MMP26: variants seen among roughly 807,000 people sequenced by gnomAD.
The protein encoded by MMP26 is matrix metallopeptidase 26.
In MMP26, 33 loss-of-function variants were observed where a neutral mutation model predicts 31.0. The observed-to-expected ratio is 1.06, with a 90% CI of 0.81 to 1.42. The LOEUF (loss-of-function observed/expected upper bound fraction) is 1.42. Among genes scored for constraint, MMP26 ranks in the 40% most tolerant of loss-of-function variants. The pLI, the probability that MMP26 is intolerant of heterozygous loss-of-function variation, is 0.00. For missense variants in MMP26, 347 were observed against 316.1 expected (o/e 1.10, Z -0.74); for synonymous variants, 122 against 114.9 (o/e 1.06, Z -0.40).
chr11:4,875,189 T>G (rs1188160343), intron 2 of MMP26: 2 of 152,002 alleles, frequency 1.3e-5, no homozygotes, highest in East Asian at 3.9e-4. Context: ...ATCTCAAAAT[T>G]CCTTTCTAGA....
chr11:4,724,045 G>C, intron 1 of MMP26: 1 of 663,430 alleles, frequency 1.5e-6, no homozygotes, highest in Non-Finnish European at 2.7e-6. Context: ...GAAGCTGCTG[G>C]TACCACTGGG....
At chr11:4,785,660 G>T (rs1034732060) in intron 2 of MMP26, among the ~76,000 whole-genome samples, 1 of 151,924 alleles carries the variant, frequency 6.6e-6, no homozygotes, top group Non-Finnish European at 1.5e-5. Flanking sequence ...AAAACCTTCA[G>T]CCCAAATATT....
intron 2 of MMP26, chr11:4,972,917 A>C (rs1041919816): frequency 2.0e-5 from 3 of 152,176 alleles, no homozygotes; most frequent in Non-Finnish European, 2.9e-5. Context: ...ACTTTGGGTT[A>C]AGCATCATGT....
At chr11:4,727,456 A>AACATTTATAAATAGCAAATAT (rs2133280813) in intron 1 of MMP26, among the ~76,000 whole-genome samples, 1 of 152,268 alleles carries the variant, frequency 6.6e-6, no homozygotes, top group Admixed American at 6.5e-5. Flanking sequence ...CCATATTTGA[A>AACATTTATAAATAGCAAATAT]AAAAATCTGT....
In MMP26 at chr11:4,849,010, T is replaced by C. The variant is rs943115589; in HGVS notation, c.-145+81669T>C. On this transcript the variant is annotated intron_variant, in intron 2 of 7. Transcript: ENST00000380390. ...CTAAGCAAGAAGAGGAAGAAGTGCATTGGGCGGTGCAGGGCGGGCTGCAGG... is the reference window on the plus strand; with the variant it reads ...CTAAGCAAGAAGAGGAAGAAGTGCACTGGGCGGTGCAGGGCGGGCTGCAGG... 5.0e-6 allele frequency: 8 copies of C among 1,614,012 alleles called. No individual in the cohort carries two copies. In the East Asian group the frequency reaches 6.7e-5, roughly 13 times the overall value.
chr11:4,797,524 A>T (rs971517769), intron 2 of MMP26, among the ~76,000 whole-genome samples: 5 of 152,144 alleles, frequency 3.3e-5, no homozygotes, highest in African/African-American at 1.2e-4. Flanking sequence ...TCCTGCTGCA[A>T]ATCTGGTTTA....
At chr11:4,768,930 C>G (rs369047031) in intron 2 of MMP26, 160 of 1,285,310 alleles carry the variant, frequency 1.2e-4, no homozygotes, top group Non-Finnish European at 1.5e-4. Context: ...CGCTTTTCTA[C>G]AGTGCAAGTC....
In MMP26 at chr11:4,882,013, C is replaced by T. The variant is rs546318674; in HGVS notation, c.-144-106055C>T. 1.9e-6 allele frequency: 3 copies of T among 1,613,892 alleles called. No homozygotes were observed. The African/African-American group carries it at 4.0e-5, about 22-fold the overall frequency. ...CCATTCCAGTCTGCTGTCTCTACAC[C>T]ATTGCCCTCTTGGGAAACAGTATGA... On this transcript the variant is annotated intron_variant, in intron 2 of 7. Coordinates refer to ENST00000380390, the MANE Select transcript of MMP26 (RefSeq NM_021801.5).
At chr11:4,938,113 A>G (rs796276715) in intron 2 of MMP26, 8 of 152,316 alleles carry the variant, frequency 5.3e-5, no homozygotes, top group African/African-American at 2.4e-5. Flanking sequence ...CAAATAATAC[A>G]TAGGTTCATG....
At chr11:4,838,493 T>C (rs1467867499) in intron 2 of MMP26, among the ~76,000 whole-genome samples, 7 of 151,908 alleles carry the variant, frequency 4.6e-5, no homozygotes, top group South Asian at 2.1e-4. Context: ...TAAGTGTACA[T>C]GGGGAATTGT....
chr11:4,923,918 G>C (rs771638614), intron 2 of MMP26: 2 of 1,614,116 alleles, frequency 1.2e-6, no homozygotes. Context: ...GACAATACAT[G>C]CAGGTGTCAG....
intron 1 of MMP26, among the ~76,000 whole-genome samples, chr11:4,729,857 G>A (rs1391583257): frequency 6.6e-6 from 1 of 151,968 alleles, no homozygotes; most frequent in Non-Finnish European, 1.5e-5. Context: ...ATCAGGCATG[G>A]ATTTTTGTGG....
intron 1 of MMP26, among the ~76,000 whole-genome samples, chr11:4,758,441 G>A (rs1402240634): frequency 7.4e-6 from 1 of 135,444 alleles, no homozygotes; most frequent in Non-Finnish European, 1.6e-5. Flanking sequence ...AATAAAAGGA[G>A]TTAGGTAAGC....
intron 3 of MMP26, among the ~76,000 whole-genome samples, chr11:4,988,924 G>T (rs1245485078): frequency 6.6e-6 from 1 of 151,824 alleles, no homozygotes; most frequent in South Asian, 2.1e-4. Flanking sequence ...ATAAAACAAA[G>T]GCATAAAAAT....
In MMP26 at chr11:4,990,712, A is replaced by T; in HGVS notation, c.435A>T (p.Gly145=). 1 of 1,614,122 alleles carries T rather than the reference A, an allele frequency of 6.2e-7. No individual in the cohort carries two copies. The highest frequency in any genetic ancestry group is 8.5e-7 in the Non-Finnish European group (1 of 1,179,990). The change falls in exon 5 of 8, where the codon GGA becomes GGT. Residue 145 remains glycine, a synonymous_variant. Coordinates refer to ENST00000380390, the MANE Select transcript of MMP26 (RefSeq NM_021801.5). ...TGATATTCCAGCAAGTGCAGAATGGAGATGCAGACATCAAGGTTTCTTTCT... is the reference window on the plus strand; with the variant it reads ...TGATATTCCAGCAAGTGCAGAATGGTGATGCAGACATCAAGGTTTCTTTCT... The part of the protein sequence containing the change: ...TPLIFQQVQN[G]DADIKVSFWQ...
chr11:4,924,480 T>G (rs1851240574), intron 2 of MMP26: 1 of 822,018 alleles, frequency 1.2e-6, no homozygotes, highest in Non-Finnish European at 1.9e-6. Context: ...GAGAACTGGG[T>G]GGGGGCTGAT....
chr11:4,778,613 C>A (rs1434321305), intron 2 of MMP26, among the ~76,000 whole-genome samples: 1 of 152,046 alleles, frequency 6.6e-6, no homozygotes, highest in African/African-American at 2.4e-5. Context: ...ATATACTTCA[C>A]ATTTTCACAT....
chr11:4,862,881 G>T (rs985147560), intron 2 of MMP26, among the ~76,000 whole-genome samples: 1 of 152,110 alleles, frequency 6.6e-6, no homozygotes, highest in Non-Finnish European at 1.5e-5. Flanking sequence ...AATGACAATG[G>T]TCAGATCTAA....
At chr11:4,813,548 G>A (rs1472162135) in intron 2 of MMP26, among the ~76,000 whole-genome samples, 2 of 152,064 alleles carry the variant, frequency 1.3e-5, no homozygotes, top group Non-Finnish European at 2.9e-5. Context: ...TTCAATAGAT[G>A]AATCAATTCT....
Sources: allele counts gnomAD v4.1 joint callset (sites outside exome capture counted in the v4.1 genomes callset), GRCh38; gene constraint gnomAD v4.1.1; transcripts MANE v1.5; gene names NCBI Gene and HGNC (gene_info 2026-07-23, HGNC 2026-07-21).